NUMA1: variants seen among roughly 807,000 people sequenced by gnomAD.
NUMA1 encodes the protein SP-H antigen.
In NUMA1, 62 loss-of-function variants were observed where a neutral mutation model predicts 237.1. The observed-to-expected ratio is 0.26, with a 90% CI of 0.21 to 0.32. The LOEUF is 0.32. NUMA1 is among the 10% of genes least tolerant of loss of function. The pLI is 1.00. For missense variants in NUMA1, 2,533 were observed against 2,666.5 expected (o/e 0.95, Z 1.10); for synonymous variants, 1,028 against 1,066.1 (o/e 0.96, Z 0.70).
At chr11:72,049,560 A>AATATATATATATATATATATATAT (rs1555034472) in intron 2 of NUMA1, 2 of 41,014 alleles carry the variant, frequency 4.9e-5, no homozygotes, top group African/African-American at 1.7e-4. Flanking sequence ...AAATAATAAT[A>AATATATATATATATATATATATAT]ATATATATAT....
chr11:72,079,413 C>T (rs530794050), intron 1 of NUMA1, among the ~76,000 whole-genome samples: 20 of 152,192 alleles, frequency 1.3e-4, no homozygotes, highest in African/African-American at 3.9e-4. Flanking sequence ...TGGTAGCGGG[C>T]GCCTGTAATC....
Position 72,005,342 on chromosome 11 carries a change from C to T in NUMA1, c.5720G>A (p.Cys1907Tyr), listed in dbSNP as rs775606078. 3.7e-6 allele frequency: 6 copies of T among 1,608,150 alleles called. No individual in the cohort carries two copies. Among genetic ancestry groups the T allele is most frequent in the Admixed American group, 1.7e-5 (1 of 59,086 alleles). ...ATCCAGCTGCTCAGGCTCATCCTGG[C>T]AAGTGCCCATGTAGAAGCTGTTCCT... ...PGRNSFYMGTCQDEPEQLDDW... is the reference protein window; with the variant it reads ...PGRNSFYMGTYQDEPEQLDDW... The change falls in exon 23 of 27, where the codon TGC becomes TAC. Residue 1907 changes from cysteine to tyrosine, a missense_variant. Physicochemically the swap from Cys to Tyr is radical, Grantham distance 194. This residue lies in a region of NUMA1 where 795 missense variants were observed against 750.8 expected (regional missense o/e 1.06). Transcript: ENST00000393695.
intron 3 of NUMA1, among the ~76,000 whole-genome samples, chr11:72,029,491 A>C (rs1481822918): frequency 6.6e-6 from 1 of 152,208 alleles, no homozygotes; most frequent in Non-Finnish European, 1.5e-5. Context: ...ACCATCAGAG[A>C]GCCCTTCCTT....
intron 2 of NUMA1, chr11:72,047,934 T>C (rs1942094444): frequency 6.6e-6 from 1 of 152,190 alleles, no homozygotes; most frequent in African/African-American, 2.4e-5. Flanking sequence ...TGCTAATCTC[T>C]GTATCGTTCC....
Position 72,067,134 on chromosome 11 carries a change from G to A in NUMA1, c.-33+2708C>T, listed in dbSNP as rs189769391. On this transcript the variant is annotated intron_variant, in intron 2 of 26. Transcript: ENST00000393695. ...TTCTACAGGTCACCTCCTCTTCTTA[G>A]TGAGCTTGCTAGGCACTAGGCTGGA... 571 of 152,326 alleles carry A rather than the reference G, an allele frequency of 3.7e-3. 4 individuals carry two copies. The highest frequency in any genetic ancestry group is 0.013 in the African/African-American group (552 of 41,558). The allele number at this position is 152,326 out of a possible 1,614,324, so 9.4% of individuals were successfully genotyped here. A position where few individuals can be genotyped will look rare whatever the true frequency, so the allele number is the denominator to read the frequency against.
chr11:72,002,990 A>G lies in NUMA1; in HGVS notation c.*537T>C. ...GCAAGTCTGGGGAAGGTAGGGTGTG[A>G]GCTGCTGCTGAAGGCTGTCCCCCAA... On this transcript the variant is annotated 3_prime_UTR_variant, in exon 27 of 27. Transcript: ENST00000393695. 1 of 234,910 alleles carries G rather than the reference A, an allele frequency of 4.3e-6. No homozygotes were observed. Among genetic ancestry groups the G allele is most frequent in the Non-Finnish European group, 8.4e-6 (1 of 118,930 alleles). The allele number at this position is 234,910 out of a possible 1,614,324, so 14.6% of individuals were successfully genotyped here. A position where few individuals can be genotyped will look rare whatever the true frequency, so the allele number is the denominator to read the frequency against.
chr11:72,022,328 C>T lies in NUMA1; in HGVS notation c.372+11G>A. On this transcript the variant is annotated intron_variant, in intron 7 of 26. Transcript: ENST00000393695. Reference sequence around the variant, plus strand: ...AGGCCTGCTAGGTGGCATGGAGGCACAAGGGCTTACCTGAATTTTATATTC... The same window carrying T: ...AGGCCTGCTAGGTGGCATGGAGGCATAAGGGCTTACCTGAATTTTATATTC... The T allele has an allele frequency of 6.2e-7, 1 of 1,603,020 alleles. No homozygotes were observed. Among genetic ancestry groups the T allele is most frequent in the Non-Finnish European group, 8.5e-7 (1 of 1,171,016 alleles).
chr11:72,047,516 T>G (rs1327320341), intron 2 of NUMA1, among the ~76,000 whole-genome samples: 1 of 151,776 alleles, frequency 6.6e-6, no homozygotes, highest in African/African-American at 2.4e-5. Context: ...AACAAATAAG[T>G]ACTAGGAGAG....
intron 2 of NUMA1, among the ~76,000 whole-genome samples, chr11:72,060,799 G>A (rs868226798): frequency 1.1e-4 from 17 of 152,242 alleles, no homozygotes; most frequent in South Asian, 4.1e-4. Context: ...GGCTAGGCAC[G>A]GTAGCCCACA....
chr11:72,004,600 G>A (rs1379807069), intron 24 of NUMA1, 40 bp downstream of exon 24: 1 of 1,593,592 alleles, frequency 6.3e-7, no homozygotes, highest in Non-Finnish European at 8.5e-7. Context: ...CCTGACCTGA[G>A]CACAGTGCTG....
At chr11:72,044,834 AT>A (rs901575595) in intron 2 of NUMA1, among the ~76,000 whole-genome samples, 14 of 151,806 alleles carry the variant, frequency 9.2e-5, no homozygotes, top group African/African-American at 3.1e-4. Flanking sequence ...TGCCCAGCTG[AT>A]TTTTTTATTT....
rs1040787446 is a variant in NUMA1 at position 72,007,255 on chromosome 11, G to A, written c.5397C>T (p.Asp1799=). ...SLDSLGDVFL[D]SGRKTRSARR... is the part of the protein sequence containing the mutation. ...GAGCGGAGCGGGTCTTACGACCCGAGTCCAGGAAGACGTCTCCCAGGGAGT... is the reference window on the plus strand; with the variant it reads ...GAGCGGAGCGGGTCTTACGACCCGAATCCAGGAAGACGTCTCCCAGGGAGT... The change falls in exon 21 of 27, where the codon GAC becomes GAT. Residue 1799 remains aspartate (D), a synonymous_variant. Coordinates refer to ENST00000393695, the MANE Select transcript of NUMA1 (RefSeq NM_006185.4). 2 of 1,613,106 alleles carry A rather than the reference G, an allele frequency of 1.2e-6. No individual in the cohort carries two copies. Among genetic ancestry groups the A allele is most frequent in the Non-Finnish European group, 1.7e-6 (2 of 1,179,722 alleles).
intron 2 of NUMA1, among the ~76,000 whole-genome samples, chr11:72,052,803 T>C (rs547432823): frequency 6.6e-6 from 1 of 151,918 alleles, no homozygotes; most frequent in African/African-American, 2.4e-5. Flanking sequence ...AATATTAAAT[T>C]GTGAGGCACT....
intron 8 of NUMA1, 100 bp downstream of exon 8, chr11:72,021,104 T>A: frequency 1.1e-6 from 1 of 930,342 alleles, no homozygotes; most frequent in Non-Finnish European, 1.7e-6. Flanking sequence ...CTGCCTTGTG[T>A]TGGGGACAGA....
intron 23 of NUMA1, 61 bp from the exon 24 acceptor site, chr11:72,004,877 G>C: frequency 1.4e-6 from 2 of 1,473,542 alleles, no homozygotes; most frequent in Non-Finnish European, 9.1e-7. Context: ...GGAGGACCTG[G>C]GGCTGTCCCA....
intron 2 of NUMA1, among the ~76,000 whole-genome samples, chr11:72,061,017 C>T (rs553574781): frequency 1.4e-4 from 22 of 152,188 alleles, no homozygotes; most frequent in Admixed American, 6.5e-4. Flanking sequence ...TGCAGTGAGC[C>T]GAGATCGTGC....
intron 3 of NUMA1, among the ~76,000 whole-genome samples, chr11:72,034,937 G>A (rs1940824505): frequency 6.6e-6 from 1 of 152,172 alleles, no homozygotes. Context: ...GCTCACTGCA[G>A]CCTCAACCTT....
chr11:72,047,451 G>A (rs1017179878), intron 2 of NUMA1, among the ~76,000 whole-genome samples: 1 of 151,754 alleles, frequency 6.6e-6, no homozygotes, highest in Non-Finnish European at 1.5e-5. Flanking sequence ...TCATGCCACT[G>A]CACTCTAGCC....
At chr11:72,065,789 T>C (rs1157876499) in intron 2 of NUMA1, 2 of 152,238 alleles carry the variant, frequency 1.3e-5, no homozygotes, top group African/African-American at 4.8e-5. Context: ...CTGTTCATAA[T>C]GTATATGCCT....
Sources: gnomAD v4.1 joint callset for allele counts (sites outside exome capture counted in the v4.1 genomes callset) on GRCh38, gnomAD v4.1.1 for gene constraint, gnomAD v4.1.1 regional missense constraint, MANE v1.5 for transcripts, NCBI Gene and HGNC (gene_info 2026-07-23, HGNC 2026-07-21) for gene names.